Variants in GPHN observed in about 807,000 individuals in gnomAD.
The protein encoded by GPHN is gephyrin.
A neutral mutation model predicts 95.5 loss-of-function variants in GPHN; 17 were observed. The ratio of observed to expected loss-of-function variants is 0.18; its 90% CI spans 0.12 to 0.27. The LOEUF is 0.27. Among genes scored for constraint, GPHN ranks in the 10% least tolerant of loss-of-function variants. The pLI is 1.00. For synonymous variants in GPHN, 320 were observed against 322.5 expected (o/e 0.99, Z 0.08); for missense variants, 660 against 978.1 (o/e 0.67, Z 4.34).
At chr14:66,592,457 GAAAA>G (rs34846317) in intron 1 of GPHN, among the ~76,000 whole-genome samples, 4 of 106,968 alleles carry the variant, frequency 3.7e-5, no homozygotes, top group Non-Finnish European at 7.0e-5. Context: ...AAATATACAA[GAAAA>G]AAAAAAAAAC....
Position 67,154,307 on chromosome 14 carries a change from A to G in GPHN, c.1837-5108A>G, listed in dbSNP as rs112609132. Among the ~76,000 whole-genome samples, 227 of 152,320 alleles carry G rather than the reference A, an allele frequency of 1.5e-3. 1 individual carries two copies. Among genetic ancestry groups the G allele is most frequent in the African/African-American group, 5.4e-3 (225 of 41,580 alleles). On this transcript the variant is annotated intron_variant, in intron 18 of 22. Transcript: ENST00000478722. Reference sequence around the variant, plus strand: ...CTAATATATCACTACCTCTTCTAGAATGACCTTTCCTATTCCCCACACCCT... The same window carrying G: ...CTAATATATCACTACCTCTTCTAGAGTGACCTTTCCTATTCCCCACACCCT...
At chr14:67,175,058 CT>C (rs2082851206) in intron 21 of GPHN, among the ~76,000 whole-genome samples, 2 of 152,102 alleles carry the variant, frequency 1.3e-5, no homozygotes, top group South Asian at 4.1e-4. Context: ...GTTTCTTTTG[CT>C]GTGTAGAAGC....
chr14:67,195,758 T>TGTGTGTGTG, the GPHN span, among the ~76,000 whole-genome samples: 1 of 147,774 alleles, frequency 6.8e-6, no homozygotes, highest in African/African-American at 2.5e-5. Flanking sequence ...TGTGTGTGTG[T>TGTGTGTGTG]TTTGAGACAG....
At chr14:67,396,126 CTTTGTTTTTTTGTTTTGT>C in the GPHN span, among the ~76,000 whole-genome samples, 5 of 152,048 alleles carry the variant, frequency 3.3e-5, no homozygotes, top group African/African-American at 1.2e-4. Context: ...ATCCAGGTCG[CTTTGTTTTTTTGTTTTGT>C]TTTGTTTTTT....
At chr14:67,589,964 C>T in the GPHN span, 8 of 1,381,202 alleles carry the variant, frequency 5.8e-6, no homozygotes, top group East Asian at 2.1e-4. Context: ...TGCACTACAT[C>T]CATAATGGTT....
intron 22 of GPHN, 149 bp downstream of exon 22, chr14:67,179,823 G>A: frequency 1.6e-6 from 1 of 622,400 alleles, no homozygotes; most frequent in Non-Finnish European, 2.8e-6. Context: ...TTCCTAAACA[G>A]TATAGCAAAA....
chr14:66,726,701 A>C (rs1234904266), intron 2 of GPHN, among the ~76,000 whole-genome samples: 5 of 152,228 alleles, frequency 3.3e-5, no homozygotes, highest in African/African-American at 1.2e-4. Context: ...AAGTATTACA[A>C]ACAATTTAAA....
intron 2 of GPHN, among the ~76,000 whole-genome samples, chr14:66,689,529 G>C (rs553197257): frequency 6.6e-6 from 1 of 152,140 alleles, no homozygotes; most frequent in South Asian, 2.1e-4. Flanking sequence ...TTGAGTCCTT[G>C]GTCTAGTTTT....
chr14:67,086,987 G>A (rs950810708), intron 11 of GPHN, among the ~76,000 whole-genome samples: 5 of 142,094 alleles, frequency 3.5e-5, no homozygotes, highest in Non-Finnish European at 6.0e-5. Flanking sequence ...GCAGTGAGCC[G>A]AGATCCCACC....
At chr14:67,440,611 G>A in the GPHN span, among the ~76,000 whole-genome samples, 1 of 152,250 alleles carries the variant, frequency 6.6e-6, no homozygotes, top group South Asian at 2.1e-4. Context: ...AATCAGCTGG[G>A]CATGGTTGTG....
the GPHN span, chr14:67,674,370 C>T: frequency 6.3e-7 from 1 of 1,589,432 alleles, no homozygotes; most frequent in East Asian, 2.3e-5. Context: ...CCACCCCCGC[C>T]TCACCGGTCC....
At chr14:66,736,692 A>G (rs1029010154) in intron 2 of GPHN, among the ~76,000 whole-genome samples, 1 of 152,176 alleles carries the variant, frequency 6.6e-6, no homozygotes, top group African/African-American at 2.4e-5. Context: ...TACGTGAGCC[A>G]CTGTGCCTGG....
intron 8 of GPHN, among the ~76,000 whole-genome samples, chr14:66,926,366 T>G (rs1472777121): frequency 6.6e-6 from 1 of 152,226 alleles, no homozygotes; most frequent in African/African-American, 2.4e-5. Context: ...AGTGGTTTCA[T>G]AGTTTCAAGT....
intron 2 of GPHN, among the ~76,000 whole-genome samples, chr14:66,698,875 T>A (rs1192405690): frequency 6.6e-6 from 1 of 152,180 alleles, no homozygotes; most frequent in Non-Finnish European, 1.5e-5. Context: ...ATTTGATCTA[T>A]GTTTGGTTGA....
chr14:66,540,427 A>G (rs1216595655), intron 1 of GPHN, among the ~76,000 whole-genome samples: 1 of 152,188 alleles, frequency 6.6e-6, no homozygotes, highest in African/African-American at 2.4e-5. Flanking sequence ...AGGAAAGTGG[A>G]GTGAATAATT....
chr14:66,990,692 T>C (rs1448636453), intron 9 of GPHN, among the ~76,000 whole-genome samples: 1 of 152,124 alleles, frequency 6.6e-6, no homozygotes, highest in African/African-American at 2.4e-5. Context: ...ACAGCAGAGT[T>C]GAATAGATGA....
chr14:66,807,675 C>A (rs553113713), intron 3 of GPHN, among the ~76,000 whole-genome samples: 2 of 152,306 alleles, frequency 1.3e-5, no homozygotes, highest in African/African-American at 4.8e-5. Context: ...TGATTTCTAG[C>A]AAATGAATTA....
At chr14:66,622,385 A>C (rs1407583636) in intron 1 of GPHN, among the ~76,000 whole-genome samples, 4 of 152,154 alleles carry the variant, frequency 2.6e-5, no homozygotes, top group African/African-American at 9.7e-5. Context: ...AGGGGCTGCC[A>C]TGAAGACCTG....
At chr14:67,623,573 C>T in the GPHN span, among the ~76,000 whole-genome samples, 11 of 117,652 alleles carry the variant, frequency 9.3e-5, no homozygotes, top group East Asian at 1.6e-3. Flanking sequence ...GACGGAGTCT[C>T]GCTCTGTCAC....
Sources: gnomAD v4.1 joint callset for allele counts (sites outside exome capture counted in the v4.1 genomes callset) on GRCh38, gnomAD v4.1.1 for gene constraint, MANE v1.5 for transcripts, NCBI Gene and HGNC (gene_info 2026-07-23, HGNC 2026-07-21) for gene names.